The following RAD51B variants were observed in gnomAD, a reference collection of about 807,000 sequenced individuals.
The protein encoded by RAD51B is DNA repair protein RAD51 homolog 2.
Under a neutral mutation model 42.2 loss-of-function variants are expected in RAD51B, and 38 were observed. The ratio of observed to expected loss-of-function variants is 0.90; its 90% CI spans 0.70 to 1.18. RAD51B has a LOEUF of 1.18. Ranked by LOEUF, RAD51B falls within the 50% of genes most tolerant of loss-of-function variation. The probability of loss-of-function intolerance (pLI) is 0.00; values close to 1 mark genes in which losing one functional copy is unlikely to be tolerated. For missense variants in RAD51B, 373 were observed against 400.7 expected (o/e 0.93, Z 0.59); for synonymous variants, 154 against 145.2 (o/e 1.06, Z -0.43).
chr14:68,595,139 T>C (rs1038741968), exon 11 of RAD51B: 43 of 1,066,730 alleles, frequency 4.0e-5, no homozygotes, highest in Non-Finnish European at 4.8e-5. Flanking sequence ...TTAGGAGCGC[T>C]GGAACGTTTA....
intron 10 of RAD51B, among the ~76,000 whole-genome samples, chr14:68,499,847 G>A (rs898521101): frequency 2.6e-4 from 39 of 152,206 alleles, no homozygotes; most frequent in African/African-American, 9.2e-4. Context: ...CAGACACCTT[G>A]ATGTGGGGCT....
At chr14:68,526,410 A>G (rs1047961947) in intron 10 of RAD51B, among the ~76,000 whole-genome samples, 23 of 152,216 alleles carry the variant, frequency 1.5e-4, no homozygotes, top group Admixed American at 5.9e-4. Context: ...CTAATGATAT[A>G]TTTCTCAGAA....
At chr14:68,387,272 C>T (rs577055285) in intron 8 of RAD51B, 5 of 152,300 alleles carry the variant, frequency 3.3e-5, no homozygotes, top group East Asian at 1.9e-4. Flanking sequence ...TAACTTGTAG[C>T]GCCTGCATCT....
At chr14:67,992,748 GA>G (rs1182398185) in intron 7 of RAD51B, among the ~76,000 whole-genome samples, 13 of 142,632 alleles carry the variant, frequency 9.1e-5, no homozygotes, top group Admixed American at 3.4e-4. Flanking sequence ...TATTTAGAAG[GA>G]AAAATGTTTT....
chr14:67,982,114 T>C (rs1332331383), intron 7 of RAD51B, among the ~76,000 whole-genome samples: 2 of 152,104 alleles, frequency 1.3e-5, no homozygotes, highest in South Asian at 2.1e-4. Context: ...TTTGTATTTT[T>C]AGTAGAGACG....
intron 7 of RAD51B, among the ~76,000 whole-genome samples, chr14:68,183,759 G>A (rs542278318): frequency 8.5e-5 from 13 of 152,048 alleles, no homozygotes; most frequent in African/African-American, 2.9e-4. Flanking sequence ...ACCAGCCTGC[G>A]CAATATAGTG....
chr14:68,128,278 G>T (rs766252086), intron 7 of RAD51B, among the ~76,000 whole-genome samples: 3 of 152,146 alleles, frequency 2.0e-5, no homozygotes, highest in Non-Finnish European at 2.9e-5. Flanking sequence ...CTCACCCAGA[G>T]AAATAGACCT....
chr14:68,186,663 A>G (rs2079163005), intron 7 of RAD51B, among the ~76,000 whole-genome samples: 1 of 152,236 alleles, frequency 6.6e-6, no homozygotes, highest in Non-Finnish European at 1.5e-5. Flanking sequence ...AACCACAATG[A>G]GATACCATCT....
chr14:68,387,933 C>T (rs879597050), intron 8 of RAD51B, among the ~76,000 whole-genome samples: 21 of 151,978 alleles, frequency 1.4e-4, no homozygotes, highest in South Asian at 4.2e-4. Context: ...ATTGATTACA[C>T]GTTGAAATGA....
At chr14:68,658,830 A>T (rs1892874202) in intron 11 of RAD51B, among the ~76,000 whole-genome samples, 1 of 152,224 alleles carries the variant, frequency 6.6e-6, no homozygotes, top group African/African-American at 2.4e-5. Context: ...AACTCTGTGA[A>T]GCAGGTATAT....
At chr14:68,334,430 C>T (rs1279332841) in intron 8 of RAD51B, among the ~76,000 whole-genome samples, 3 of 152,290 alleles carry the variant, frequency 2.0e-5, no homozygotes, top group South Asian at 2.1e-4. Context: ...CCCATATCGT[C>T]TACACATTGA....
chr14:68,041,820 A>G (rs966277191), intron 7 of RAD51B, among the ~76,000 whole-genome samples: 1 of 152,130 alleles, frequency 6.6e-6, no homozygotes, highest in Non-Finnish European at 1.5e-5. Flanking sequence ...TCTTTTTACT[A>G]AGATGTGCCT....
chr14:68,607,795 G>A (rs1891509808), intron 10 of RAD51B, among the ~76,000 whole-genome samples: 1 of 152,188 alleles, frequency 6.6e-6, no homozygotes, highest in Admixed American at 6.5e-5. Flanking sequence ...CCATTCTGCG[G>A]GGTGCTGGGG....
At chr14:68,198,285 C>T (rs866193021) in intron 7 of RAD51B, among the ~76,000 whole-genome samples, 18 of 152,152 alleles carry the variant, frequency 1.2e-4, no homozygotes, top group African/African-American at 2.2e-4. Flanking sequence ...CTCTCCATTT[C>T]GTTCCACAGC....
At position 67,991,136 on chromosome 14, in the gene RAD51B, A is replaced by T. The variant is rs553217253; in HGVS notation, c.756+103932A>T. On this transcript the variant is annotated intron_variant, in intron 7 of 10. Transcript: ENST00000471583. ...AACTCATTTTTGGTCTTTTTTTCCC[A>T]CTGCTGCAGTAGCCTGGGCAGGATC... Among the ~76,000 whole-genome samples, 4 of 152,240 alleles carry T rather than the reference A, an allele frequency of 2.6e-5. No homozygotes were observed. The East Asian group carries it at 7.7e-4, about 29-fold the overall frequency.
At chr14:67,887,760 G>C (rs894407490) in intron 7 of RAD51B, among the ~76,000 whole-genome samples, 7 of 152,194 alleles carry the variant, frequency 4.6e-5, no homozygotes, top group Non-Finnish European at 1.0e-4. Flanking sequence ...AGAAAACCTT[G>C]AAAGATTATT....
At chr14:68,048,337 A>T (rs1455256825) in intron 7 of RAD51B, among the ~76,000 whole-genome samples, 1 of 152,166 alleles carries the variant, frequency 6.6e-6, no homozygotes, top group Non-Finnish European at 1.5e-5. Context: ...GATTGTGGAT[A>T]TTAGCCCTTT....
intron 8 of RAD51B, among the ~76,000 whole-genome samples, chr14:68,316,583 G>A (rs1009216837): frequency 1.2e-4 from 18 of 152,202 alleles, no homozygotes; most frequent in Non-Finnish European, 2.2e-4. Flanking sequence ...AGAAAGAGTA[G>A]ATATTCTGTG....
At chr14:68,462,286 TC>T (rs2085864458) in intron 9 of RAD51B, among the ~76,000 whole-genome samples, 1 of 152,170 alleles carries the variant, frequency 6.6e-6, no homozygotes, top group South Asian at 2.1e-4. Flanking sequence ...CCCAAAGGCT[TC>T]CCTGTATTGT....
Sources: allele counts gnomAD v4.1 joint callset (sites outside exome capture counted in the v4.1 genomes callset), GRCh38; gene constraint gnomAD v4.1.1; transcripts MANE v1.5; gene names NCBI Gene and HGNC (gene_info 2026-07-23, HGNC 2026-07-21).